The following ICAM1 variants were observed in gnomAD, a reference collection of about 807,000 sequenced individuals.
The protein encoded by ICAM1 is ICAM-1.
ICAM1 carries 28 observed loss-of-function variants against 42.3 expected under a neutral mutation model. The observed-to-expected ratio is 0.66, with a 90% CI of 0.49 to 0.91. The LOEUF (loss-of-function observed/expected upper bound fraction) is 0.91. Among genes scored for constraint, ICAM1 ranks in the 40% least tolerant of loss-of-function variants. ICAM1 has a pLI of 0.00. For synonymous variants in ICAM1, 304 were observed against 305.9 expected (o/e 0.99, Z 0.07); for missense variants, 637 against 688.6 (o/e 0.93, Z 0.84).
At chr19:10,271,684 A>G (rs370736959) in intron 1 of ICAM1, among the ~76,000 whole-genome samples, 3 of 152,330 alleles carry the variant, frequency 2.0e-5, no homozygotes, top group African/African-American at 7.2e-5. Flanking sequence ...GGACTCGATC[A>G]TGATGGTTTG....
intron 2 of ICAM1, among the ~76,000 whole-genome samples, chr19:10,277,649 G>A (rs1425304009): frequency 6.6e-6 from 1 of 151,392 alleles, no homozygotes; most frequent in Non-Finnish European, 1.5e-5. Context: ...CACCACGCCC[G>A]GCTAATTTTT....
At position 10,281,627 on chromosome 19, in the gene ICAM1, G is replaced by T. The variant is rs577239309; in HGVS notation, c.332-1854G>T. ...CTACCTTTAATAGCCCTATTTTACA[G>T]TTCAGGAAACTGAGGTTCAGAGAGA... On this transcript the variant is annotated intron_variant, in intron 2 of 6. Coordinates refer to ENST00000264832, the MANE Select transcript of ICAM1 (RefSeq NM_000201.3). Among the ~76,000 whole-genome samples the T allele has an allele frequency of 5.9e-5, 9 of 151,468 alleles. No homozygotes were observed. The South Asian group carries it at 1.9e-3, about 32-fold the overall frequency.
chr19:10,282,846 C>G (rs920112868), intron 2 of ICAM1, among the ~76,000 whole-genome samples: 1 of 152,026 alleles, frequency 6.6e-6, no homozygotes, highest in Middle Eastern at 3.2e-3. Context: ...AACCCCGTTT[C>G]TACTAAAAAT....
intron 2 of ICAM1, among the ~76,000 whole-genome samples, chr19:10,278,937 T>G (rs2040036362): frequency 6.6e-6 from 1 of 152,106 alleles, no homozygotes. Flanking sequence ...TTGCCTTAGT[T>G]TTTACCTCTG....
intron 2 of ICAM1, among the ~76,000 whole-genome samples, chr19:10,276,007 C>T (rs1211376930): frequency 6.6e-6 from 1 of 151,224 alleles, no homozygotes; most frequent in Non-Finnish European, 1.5e-5. Context: ...TGTGCCCATC[C>T]AAGACCCTGT....
At chr19:10,274,024 A>G (rs5030350) in intron 1 of ICAM1, among the ~76,000 whole-genome samples, 21 of 152,032 alleles carry the variant, frequency 1.4e-4, no homozygotes, top group Non-Finnish European at 3.1e-4. Flanking sequence ...AAAAAAAAAA[A>G]AAATAAAAGA....
In ICAM1 at chr19:10,275,817, C is replaced by T. The variant is rs563769964; in HGVS notation, c.331+789C>T. 2.7e-5 allele frequency among the ~76,000 whole-genome samples: 4 copies of T among 150,810 alleles called. No individual in the cohort carries two copies. In the South Asian group the frequency reaches 6.3e-4, roughly 24 times the overall value. On this transcript the variant is annotated intron_variant, in intron 2 of 6. Transcript: ENST00000264832. ...CCGCCTCCCGGGTTCACGCCATTCT[C>T]CTGCCTCAGCCTCCCGAGTAGCTGG... is the stretch of plus-strand genomic sequence containing the variant.
In ICAM1 at chr19:10,274,461, C is replaced by T. The variant is rs375633323; in HGVS notation, c.68-304C>T. Among the ~76,000 whole-genome samples, 17 of 152,124 alleles carry T rather than the reference C, an allele frequency of 1.1e-4. No individual in the cohort carries two copies. The South Asian group carries it at 2.5e-3, about 22-fold the overall frequency. On this transcript the variant is annotated intron_variant, in intron 1 of 6. Coordinates refer to ENST00000264832, the MANE Select transcript of ICAM1 (RefSeq NM_000201.3). ...TCCCAAATAGCTAGGACTACAGGCA[C>T]GTCCCACCATGCCCAGCTAATTTTT... is the stretch of plus-strand genomic sequence containing the variant.
chr19:10,283,504 G>A lies in ICAM1; in HGVS notation c.355G>A (p.Ala119Thr). The change falls in exon 3 of 7, where the codon GCA becomes ACA. Residue 119 changes from alanine (A) to threonine (T), a missense_variant. Transcript: ENST00000264832. ...VYWTPERVEL[A>T]PLPSWQPVGK... The stretch of plus-strand genomic sequence containing the variant: ...AGGGACTCCAGAACGGGTGGAACTG[G>A]CACCCCTCCCCTCTTGGCAGCCAGT... 6.3e-7 allele frequency: 1 copy of A among 1,578,546 alleles called. No individual in the cohort carries two copies. Among genetic ancestry groups the A allele is most frequent in the Admixed American group, 1.7e-5 (1 of 57,246 alleles).
At chr19:10,276,607 A>C (rs958963278) in intron 2 of ICAM1, among the ~76,000 whole-genome samples, 10 of 150,950 alleles carry the variant, frequency 6.6e-5, no homozygotes, top group African/African-American at 2.4e-4. Context: ...GGAACGTAGG[A>C]GGTCCTAGGA....
At position 10,280,547 on chromosome 19, in the gene ICAM1, G is replaced by T. The variant is rs556477282; in HGVS notation, c.332-2934G>T. ...TGTGAGCCAGCAGGAAGCCCAGCTG[G>T]TTTTTTTTTTTTCTTTGGTGTTTTT... On this transcript the variant is annotated intron_variant, in intron 2 of 6. Transcript: ENST00000264832. Among the ~76,000 whole-genome samples the T allele has an allele frequency of 4.2e-5, 6 of 144,078 alleles. No individual in the cohort carries two copies. In the South Asian group the frequency reaches 1.1e-3, roughly 27 times the overall value. 94.5% of individuals were successfully genotyped at this position (144,078 alleles called of 152,430 possible).
At chr19:10,271,412 T>C (rs2039979536) in intron 1 of ICAM1, among the ~76,000 whole-genome samples, 186 bp downstream of exon 1, 1 of 152,022 alleles carries the variant, frequency 6.6e-6, no homozygotes, top group Non-Finnish European at 1.5e-5. Flanking sequence ...GGCCTTGGGC[T>C]ATAGATTGCA....
intron 2 of ICAM1, among the ~76,000 whole-genome samples, chr19:10,278,837 C>T (rs1354510292): frequency 6.6e-6 from 1 of 152,074 alleles, no homozygotes; most frequent in Non-Finnish European, 1.5e-5. Context: ...CCACCACGCG[C>T]GGCTCTGCCT....
chr19:10,284,429 A>C lies in ICAM1; in HGVS notation c.952A>C (p.Thr318Pro). 1 of 1,613,628 alleles carries C rather than the reference A, an allele frequency of 6.2e-7. No individual in the cohort carries two copies. Among genetic ancestry groups the C allele is most frequent in the Non-Finnish European group, 8.5e-7 (1 of 1,179,998 alleles). ...CTTTCCGGCGCCCAACGTGATTCTG[A>C]CGAAGCCAGAGGTCTCAGAAGGGAC... ...YSFPAPNVIL[T>P]KPEVSEGTEV... The change falls in exon 5 of 7, where the codon ACG becomes CCG. Residue 318 changes from threonine (T) to proline (P), a missense_variant. Physicochemically the swap from Thr to Pro is conservative, Grantham distance 38 (BLOSUM62 -1). Coordinates refer to ENST00000264832, the MANE Select transcript of ICAM1 (RefSeq NM_000201.3). This position sits in a 1 kb window ranked among gnomAD's most constrained non-coding sequence, Gnocchi z 5.4.
Position 10,274,898 on chromosome 19 carries a change from G to A in ICAM1, c.201G>A (p.Lys67=). Reference sequence around the variant, plus strand: ...GCATAGAGACCCCGTTGCCTAAAAAGGAGTTGCTCCTGCCTGGGAACAACC... The same window carrying A: ...GCATAGAGACCCCGTTGCCTAAAAAAGAGTTGCTCCTGCCTGGGAACAACC... ...LLGIETPLPK[K]ELLLPGNNRK... Residue 67 remains lysine (K), a synonymous_variant, in exon 2 of 7, where the codon AAG becomes AAA. Transcript: ENST00000264832. 1 of 1,614,244 alleles carries A rather than the reference G, an allele frequency of 6.2e-7. No homozygotes were observed. The highest frequency in any genetic ancestry group is 8.5e-7 in the Non-Finnish European group (1 of 1,180,052).
At chr19:10,275,143 G>C in intron 2 of ICAM1, 115 bp downstream of exon 2, 2 of 1,042,346 alleles carry the variant, frequency 1.9e-6, no homozygotes, top group Non-Finnish European at 2.8e-6. Flanking sequence ...TCAAGGAGGG[G>C]CTCCTTGCAG....
chr19:10,279,649 A>AT (rs1388410838), intron 2 of ICAM1, among the ~76,000 whole-genome samples: 2 of 151,650 alleles, frequency 1.3e-5, no homozygotes, highest in Non-Finnish European at 2.9e-5. Context: ...TGCCCAGCTA[A>AT]TTTTTTTGTA....
In ICAM1 at chr19:10,279,519, G is replaced by A. The variant is rs5030363; in HGVS notation, c.332-3962G>A. Among the ~76,000 whole-genome samples, 774 of 151,926 alleles carry A rather than the reference G, an allele frequency of 5.1e-3. 4 individuals carry two copies. Among genetic ancestry groups the A allele is most frequent in the Middle Eastern group, 0.021 (6 of 292 alleles). On this transcript the variant is annotated intron_variant, in intron 2 of 6. Transcript: ENST00000264832. ...TTTTTGAGATGGAGTCTCACTCTGT[G>A]GCCCAGGCTGGAGTGCAGTGGTGCC...
At chr19:10,273,098 C>T (rs145681666) in intron 1 of ICAM1, among the ~76,000 whole-genome samples, 5 of 152,224 alleles carry the variant, frequency 3.3e-5, no homozygotes, top group Non-Finnish European at 7.4e-5. Flanking sequence ...GTGGCTCACA[C>T]CTGTAATCCT....
Sources: gnomAD v4.1 joint callset for allele counts (sites outside exome capture counted in the v4.1 genomes callset) on GRCh38, gnomAD v4.1.1 for gene constraint, Gnocchi (gnomAD v3.1) non-coding constraint, MANE v1.5 for transcripts, NCBI Gene and HGNC (gene_info 2026-07-23, HGNC 2026-07-21) for gene names.